Variants in LUZP2 observed in about 807,000 individuals in gnomAD.
The protein encoded by LUZP2 is leucine zipper protein 2.
A neutral mutation model predicts 51.6 loss-of-function variants in LUZP2; 52 were observed. The ratio of observed to expected loss-of-function variants is 1.01; its 90% confidence interval spans 0.81 to 1.27. LUZP2 has a LOEUF of 1.27. Ranked by LOEUF, LUZP2 falls within the 50% of genes most tolerant of loss-of-function variation. The pLI is 0.00. For synonymous variants in LUZP2, 154 were observed against 137.3 expected (o/e 1.12, Z -0.85); for missense variants, 436 against 395.4 (o/e 1.10, Z -0.87).
intron 7 of LUZP2, among the ~76,000 whole-genome samples, chr11:24,923,606 A>C (rs1418036515): frequency 6.6e-6 from 1 of 152,088 alleles, no homozygotes; most frequent in African/African-American, 2.4e-5. Context: ...CTGAGGCAGG[A>C]GTATCACTTG....
At chr11:24,999,351 A>AGAAGGAGGAGGAAGAGGAG (rs1447203007) in intron 9 of LUZP2, among the ~76,000 whole-genome samples, 1 of 151,978 alleles carries the variant, frequency 6.6e-6, no homozygotes, top group Non-Finnish European at 1.5e-5. Context: ...AGGAAAAAGA[A>AGAAGGAGGAGGAAGAGGAG]GAAGGAGGAG....
At chr11:24,760,188 T>A (rs1268238774) in intron 4 of LUZP2, among the ~76,000 whole-genome samples, 1 of 152,172 alleles carries the variant, frequency 6.6e-6, no homozygotes, top group Admixed American at 6.5e-5. Context: ...TGGGTTAAGA[T>A]AAGTGGTTGT....
At chr11:24,850,592 T>G (rs986460090) in intron 5 of LUZP2, among the ~76,000 whole-genome samples, 1 of 152,180 alleles carries the variant, frequency 6.6e-6, no homozygotes, top group African/African-American at 2.4e-5. Flanking sequence ...TAGGATTGTC[T>G]TGGTGATATG....
chr11:24,741,969 TATACATTTATATATTATATATAAATG>T (rs1419790801), intron 4 of LUZP2, among the ~76,000 whole-genome samples: 235 of 83,438 alleles, frequency 2.8e-3, no homozygotes, highest in Non-Finnish European at 5.9e-3. Context: ...TATATAAATA[TATACATTTATATATTATATATAAATG>T]TATATATTAT....
intron 1 of LUZP2, among the ~76,000 whole-genome samples, chr11:24,540,143 A>G (rs551154777): frequency 6.6e-6 from 1 of 152,236 alleles, no homozygotes; most frequent in African/African-American, 2.4e-5. Flanking sequence ...GGATTTTCAT[A>G]TTTTTAAAGG....
At chr11:24,523,325 A>G (rs1470390541) in intron 1 of LUZP2, among the ~76,000 whole-genome samples, 1 of 150,970 alleles carries the variant, frequency 6.6e-6, no homozygotes, top group African/African-American at 2.4e-5. Context: ...ATATTTATAG[A>G]CAATGTAGAA....
intron 1 of LUZP2, among the ~76,000 whole-genome samples, chr11:24,626,575 C>A (rs189908346): frequency 2.0e-4 from 31 of 152,164 alleles, no homozygotes; most frequent in African/African-American, 7.5e-4. Flanking sequence ...AGATGGGAGA[C>A]CAGAAATCAA....
intron 9 of LUZP2, among the ~76,000 whole-genome samples, chr11:25,019,072 A>G (rs945086598): frequency 3.9e-5 from 6 of 152,232 alleles, no homozygotes; most frequent in Non-Finnish European, 7.3e-5. Flanking sequence ...GTTGCACTCA[A>G]TGAACTACCT....
intron 1 of LUZP2, among the ~76,000 whole-genome samples, chr11:24,529,294 T>C (rs1327907747): frequency 1.3e-5 from 2 of 151,098 alleles, no homozygotes; most frequent in Non-Finnish European, 3.0e-5. Context: ...AATAAATACA[T>C]ATATCCATGT....
intron 7 of LUZP2, among the ~76,000 whole-genome samples, chr11:24,930,694 A>C (rs929305786): frequency 6.6e-6 from 1 of 152,120 alleles, no homozygotes; most frequent in Non-Finnish European, 1.5e-5. Context: ...CCTGATGACT[A>C]TGTGCCTAGG....
chr11:24,874,951 A>G (rs1401378586), intron 5 of LUZP2, among the ~76,000 whole-genome samples: 1 of 152,158 alleles, frequency 6.6e-6, no homozygotes, highest in African/African-American at 2.4e-5. Flanking sequence ...GTCTGAGCAA[A>G]TTATCATCCA....
chr11:24,934,535 T>C (rs1472521375), intron 7 of LUZP2, among the ~76,000 whole-genome samples: 1 of 152,176 alleles, frequency 6.6e-6, no homozygotes, highest in African/African-American at 2.4e-5. Flanking sequence ...TTTAATAACA[T>C]ACTTAAATTT....
At chr11:24,723,437 C>G (rs1484644910) in intron 1 of LUZP2, among the ~76,000 whole-genome samples, 1 of 152,278 alleles carries the variant, frequency 6.6e-6, no homozygotes, top group East Asian at 1.9e-4. Context: ...CAGCATTACT[C>G]ATAATATTCA....
At chr11:24,589,486 G>A (rs1043949100) in intron 1 of LUZP2, among the ~76,000 whole-genome samples, 12 of 152,110 alleles carry the variant, frequency 7.9e-5, no homozygotes, top group Admixed American at 7.2e-4. Context: ...CAATTTAAGT[G>A]CAAATTATTT....
At chr11:25,052,118 A>G (rs1310935364) in intron 10 of LUZP2, among the ~76,000 whole-genome samples, 1 of 152,156 alleles carries the variant, frequency 6.6e-6, no homozygotes, top group African/African-American at 2.4e-5. Flanking sequence ...AGACTTTTGT[A>G]TTGGAGTCTC....
At chr11:24,974,120 T>C (rs1465245895) in intron 7 of LUZP2, among the ~76,000 whole-genome samples, 2 of 152,166 alleles carry the variant, frequency 1.3e-5, no homozygotes, top group African/African-American at 2.4e-5. Flanking sequence ...GGTGCTCCTG[T>C]ATTGGGTGCA....
At chr11:24,615,040 G>A (rs1854241416) in intron 1 of LUZP2, among the ~76,000 whole-genome samples, 1 of 151,818 alleles carries the variant, frequency 6.6e-6, no homozygotes, top group Non-Finnish European at 1.5e-5. Flanking sequence ...TGAAATCACA[G>A]GTAATTTTGT....
At chr11:24,710,760 A>AT (rs11385657) in intron 1 of LUZP2, among the ~76,000 whole-genome samples, 26,875 of 151,796 alleles carry the variant, frequency 0.18, 2,660 homozygotes, top group African/African-American at 0.27. Flanking sequence ...AATTTATCAC[A>AT]TTTTTTTTGC....
At chr11:24,736,662 A>T (rs867600209) in intron 3 of LUZP2, among the ~76,000 whole-genome samples, 10 of 152,010 alleles carry the variant, frequency 6.6e-5, no homozygotes, top group African/African-American at 2.4e-4. Flanking sequence ...AGTGTCTTGC[A>T]CATTGTAAGC....
Sources: gnomAD v4.1 joint callset for allele counts (sites outside exome capture counted in the v4.1 genomes callset) on GRCh38, gnomAD v4.1.1 for gene constraint, MANE v1.5 for transcripts, NCBI Gene and HGNC (gene_info 2026-07-23, HGNC 2026-07-21) for gene names.